The following GPC6 variants were observed in gnomAD, a reference collection of about 807,000 sequenced individuals.
GPC6 encodes glypican-6.
A neutral mutation model predicts 55.2 loss-of-function variants in GPC6; 14 were observed. The ratio of observed to expected loss-of-function variants is 0.25; its 90% CI spans 0.17 to 0.40. The LOEUF is 0.40. Among genes scored for constraint, GPC6 ranks in the 10% least tolerant of loss-of-function variants. GPC6 has a pLI of 1.00. For synonymous variants in GPC6, 278 were observed against 259.6 expected, an observed-to-expected ratio of 1.07 and a Z score of -0.68; for missense variants, 641 against 708.5, an observed-to-expected ratio of 0.90 and a Z score of 1.08.
intron 4 of GPC6, among the ~76,000 whole-genome samples, chr13:94,218,729 G>A (rs1190074295): frequency 6.6e-6 from 1 of 152,120 alleles, no homozygotes; most frequent in Admixed American, 6.6e-5. Flanking sequence ...TTTCCTGAGA[G>A]ACCTTTGATT....
chr13:93,229,790 T>C (rs1875947322), intron 1 of GPC6, among the ~76,000 whole-genome samples: 2 of 152,136 alleles, frequency 1.3e-5, no homozygotes, highest in African/African-American at 2.4e-5. Flanking sequence ...TTGTGTCCTT[T>C]GATGCTGGTA....
At chr13:94,055,555 G>A (rs184852121) in intron 4 of GPC6, among the ~76,000 whole-genome samples, 2 of 152,276 alleles carry the variant, frequency 1.3e-5, no homozygotes, top group East Asian at 1.9e-4. Context: ...ATAGTTTATA[G>A]TTCAAAGAGA....
chr13:94,400,880 T>A (rs947380928), intron 8 of GPC6, among the ~76,000 whole-genome samples: 1 of 152,202 alleles, frequency 6.6e-6, no homozygotes, highest in Non-Finnish European at 1.5e-5. Flanking sequence ...AACAGATAGA[T>A]GTTATTACTC....
At chr13:93,354,352 T>TTTTTTTGTTTG (rs1451314069) in intron 1 of GPC6, among the ~76,000 whole-genome samples, 3 of 132,366 alleles carry the variant, frequency 2.3e-5, no homozygotes, top group Non-Finnish European at 4.8e-5. Context: ...TTGGTAGATT[T>TTTTTTTGTTTG]TTTTTTTTTT....
At chr13:93,805,688 T>G (rs928195964) in intron 2 of GPC6, among the ~76,000 whole-genome samples, 5 of 152,184 alleles carry the variant, frequency 3.3e-5, no homozygotes, top group African/African-American at 1.2e-4. Context: ...TGTTTGCGTA[T>G]TCTAAAAAGA....
chr13:93,809,109 C>T (rs1392132805), intron 2 of GPC6, among the ~76,000 whole-genome samples: 6 of 152,128 alleles, frequency 3.9e-5, no homozygotes, highest in African/African-American at 1.4e-4. Context: ...TTAGATCCTG[C>T]GACTCTGAAA....
chr13:93,847,561 T>A (rs1425890163), intron 3 of GPC6, among the ~76,000 whole-genome samples: 1 of 152,124 alleles, frequency 6.6e-6, no homozygotes, highest in Non-Finnish European at 1.5e-5. Flanking sequence ...TATAACTTTT[T>A]AAAAAATATG....
At chr13:93,840,327 A>G (rs1344421096) in intron 3 of GPC6, among the ~76,000 whole-genome samples, 1 of 152,178 alleles carries the variant, frequency 6.6e-6, no homozygotes, top group Non-Finnish European at 1.5e-5. Context: ...ATTTACGCAC[A>G]TAAACTAGAA....
chr13:93,981,862 T>C lies in GPC6; in HGVS notation c.712-45867T>C, dbSNP rs149061404. ...TTTAGTGGTGGTGGAGTCACTAAAA[T>C]TCCAATCACTATCTTCAACAATGTT... On this transcript the variant is annotated intron_variant, in intron 3 of 8. Transcript: ENST00000377047. Among the ~76,000 whole-genome samples the C allele has an allele frequency of 1.2e-4, 19 of 152,318 alleles. No individual in the cohort carries two copies. The East Asian group carries it at 3.5e-3, about 28-fold the overall frequency.
intron 4 of GPC6, among the ~76,000 whole-genome samples, chr13:94,207,694 A>G (rs565754090): frequency 6.6e-6 from 1 of 152,228 alleles, no homozygotes; most frequent in South Asian, 2.1e-4. Flanking sequence ...AGAGTAACTG[A>G]TGTGGGAATA....
chr13:93,978,560 T>C (rs1880627967), intron 3 of GPC6, among the ~76,000 whole-genome samples: 1 of 152,184 alleles, frequency 6.6e-6, no homozygotes, highest in African/African-American at 2.4e-5. Flanking sequence ...AGATACATAT[T>C]ATACACATGC....
intron 1 of GPC6, among the ~76,000 whole-genome samples, chr13:93,500,017 G>A (rs534451095): frequency 2.6e-5 from 4 of 152,274 alleles, no homozygotes; most frequent in South Asian, 2.1e-4. Flanking sequence ...CGTTTCTGCC[G>A]TGGAAAGTCA....
Position 93,504,482 on chromosome 13 carries a change from G to GTTTT in GPC6, c.161-40767_161-40764dup, listed in dbSNP as rs55771607. 2.4e-4 allele frequency among the ~76,000 whole-genome samples: 31 copies of GTTTT among 129,958 alleles called. 3 individuals carry two copies. Among genetic ancestry groups the GTTTT allele is most frequent in the South Asian group, 4.9e-4 (2 of 4,086 alleles). The allele number at this position is 129,958 out of a possible 152,430, so 85.3% of individuals were successfully genotyped here. ...ACATTATAAAAATAAAAACAACATA[G>GTTTT]TTTTTTTTTTTTTTTTTCTGCTTTC... On this transcript the variant is annotated intron_variant, in intron 1 of 8. Transcript: ENST00000377047.
intron 4 of GPC6, among the ~76,000 whole-genome samples, chr13:94,151,030 G>C (rs1453568921): frequency 6.6e-6 from 1 of 151,728 alleles, no homozygotes; most frequent in South Asian, 2.1e-4. Context: ...TCTTATGATA[G>C]CTCATTTTAT....
chr13:93,389,616 C>T (rs997128863), intron 1 of GPC6, among the ~76,000 whole-genome samples: 1 of 151,464 alleles, frequency 6.6e-6, no homozygotes, highest in African/African-American at 2.4e-5. Flanking sequence ...TATATGTATA[C>T]ACACAGAATG....
chr13:94,034,085 A>G (rs1331444108), intron 4 of GPC6, among the ~76,000 whole-genome samples: 2 of 152,144 alleles, frequency 1.3e-5, no homozygotes, highest in African/African-American at 4.8e-5. Context: ...TTTCTTTTAC[A>G]GTCATTGACT....
intron 4 of GPC6, among the ~76,000 whole-genome samples, chr13:94,100,614 CT>C (rs1200633133): frequency 1.3e-5 from 2 of 152,178 alleles, no homozygotes; most frequent in African/African-American, 2.4e-5. Context: ...CAGGCTAGTA[CT>C]TTCTAGGGAT....
intron 3 of GPC6, among the ~76,000 whole-genome samples, chr13:93,849,892 T>C (rs2139010425): frequency 6.6e-6 from 1 of 152,034 alleles, no homozygotes; most frequent in South Asian, 2.1e-4. Context: ...ATTAGAATTA[T>C]TAAGGAGAAA....
intron 2 of GPC6, among the ~76,000 whole-genome samples, chr13:93,793,828 A>G (rs537461628): frequency 2.2e-4 from 33 of 152,208 alleles, no homozygotes; most frequent in Non-Finnish European, 4.3e-4. Flanking sequence ...TCTTTGTGAT[A>G]TGAATCCACA....
Sources: gnomAD v4.1 joint callset for allele counts (sites outside exome capture counted in the v4.1 genomes callset) on GRCh38, gnomAD v4.1.1 for gene constraint, MANE v1.5 for transcripts, NCBI Gene and HGNC (gene_info 2026-07-23, HGNC 2026-07-21) for gene names.